The following NBAS variants were observed in gnomAD, a reference collection of about 807,000 sequenced individuals.
The protein encoded by NBAS is NAG/BC035112 fusion.
NBAS carries 219 observed loss-of-function variants against 302.5 expected under a neutral mutation model. The ratio of observed to expected loss-of-function variants is 0.72; its 90% CI spans 0.65 to 0.81. NBAS has a LOEUF of 0.81. Among genes scored for constraint, NBAS ranks in the 30% least tolerant of loss-of-function variants. NBAS has a pLI of 0.00. For missense variants in NBAS, 2,932 were observed against 2,841.6 expected (o/e 1.03, Z -0.72); for synonymous variants, 1,118 against 1,021.6 (o/e 1.09, Z -1.80).
In NBAS at chr2:15,395,233, A is replaced by G. The variant is rs114205533; in HGVS notation, c.3135-884T>C. Among the ~76,000 whole-genome samples the G allele has an allele frequency of 2.8e-3, 429 of 152,204 alleles. 2 individuals carry two copies. The highest frequency in any genetic ancestry group is 0.01 in the Middle Eastern group (3 of 294). The stretch of plus-strand genomic sequence containing the variant: ...CATGGTTACAACCAGACATGTGATG[A>G]AATAAATTACGTTTATTTCACTGTA... On this transcript the variant is annotated intron_variant, in intron 27 of 51. Coordinates refer to ENST00000281513, the MANE Select transcript of NBAS (RefSeq NM_015909.4).
At chr2:14,960,823 T>C in the NBAS span, among the ~76,000 whole-genome samples, 1 of 152,220 alleles carries the variant, frequency 6.6e-6, no homozygotes, top group Non-Finnish European at 1.5e-5. Context: ...TGAGTCACCA[T>C]TGTTTCATAG....
the NBAS span, among the ~76,000 whole-genome samples, chr2:15,135,260 C>T: frequency 6.6e-6 from 1 of 152,282 alleles, no homozygotes; most frequent in African/African-American, 2.4e-5. Context: ...TGGGTTTCAC[C>T]AAGGATGACT....
At chr2:14,952,908 G>A in the NBAS span, among the ~76,000 whole-genome samples, 1 of 152,232 alleles carries the variant, frequency 6.6e-6, no homozygotes, top group Non-Finnish European at 1.5e-5. Context: ...GTCACACGTA[G>A]GAGAAGCAAC....
At chr2:14,989,171 C>T in the NBAS span, among the ~76,000 whole-genome samples, 1 of 151,816 alleles carries the variant, frequency 6.6e-6, no homozygotes, top group African/African-American at 2.4e-5. Context: ...TCTAAGTATC[C>T]AAAAGATAAC....
At chr2:15,519,197 T>C (rs1001096063) in intron 9 of NBAS, among the ~76,000 whole-genome samples, 1 of 152,220 alleles carries the variant, frequency 6.6e-6, no homozygotes, top group Non-Finnish European at 1.5e-5. Flanking sequence ...ATAAGGAATA[T>C]GCTAAGCCAC....
At chr2:15,069,017 C>G in the NBAS span, among the ~76,000 whole-genome samples, 4 of 152,064 alleles carry the variant, frequency 2.6e-5, no homozygotes, top group Admixed American at 6.5e-5. Context: ...GATCTCTCTT[C>G]CTCTTCTTAT....
At chr2:15,436,859 G>A (rs934793958) in intron 21 of NBAS, among the ~76,000 whole-genome samples, 2 of 152,120 alleles carry the variant, frequency 1.3e-5, no homozygotes, top group Non-Finnish European at 2.9e-5. Flanking sequence ...TTCGTTAGTG[G>A]AATACCTGGC....
intron 44 of NBAS, among the ~76,000 whole-genome samples, chr2:15,255,631 T>C (rs1348219838): frequency 6.6e-6 from 1 of 152,224 alleles, no homozygotes; most frequent in Non-Finnish European, 1.5e-5. Context: ...CCTAATCCAA[T>C]GTCTAGAAGA....
the NBAS span, among the ~76,000 whole-genome samples, chr2:15,134,111 C>T: frequency 2.0e-5 from 3 of 146,822 alleles, no homozygotes; most frequent in Admixed American, 6.9e-5. Context: ...AGTTTATGTC[C>T]CTCCCCAAAT....
chr2:15,504,545 GA>G (rs1222946094), intron 10 of NBAS, among the ~76,000 whole-genome samples: 1 of 152,074 alleles, frequency 6.6e-6, no homozygotes, highest in Non-Finnish European at 1.5e-5. Flanking sequence ...CATCAGTATA[GA>G]AAAAGCTAAA....
intron 11 of NBAS, among the ~76,000 whole-genome samples, chr2:15,497,362 G>A (rs1234305696): frequency 1.3e-5 from 2 of 152,158 alleles, no homozygotes; most frequent in African/African-American, 4.8e-5. Context: ...ATACAATGGT[G>A]ATAGCCACAC....
At chr2:14,946,047 G>C in the NBAS span, among the ~76,000 whole-genome samples, 1 of 152,182 alleles carries the variant, frequency 6.6e-6, no homozygotes, top group Non-Finnish European at 1.5e-5. Context: ...ACTCCAGCCT[G>C]GGTGACAGAG....
At chr2:14,951,187 T>A in the NBAS span, among the ~76,000 whole-genome samples, 1,059 of 152,290 alleles carry the variant, frequency 7.0e-3, 13 homozygotes, top group African/African-American at 0.024. Flanking sequence ...GAAGAAAGGA[T>A]GGGAAATAGG....
intron 9 of NBAS, among the ~76,000 whole-genome samples, chr2:15,527,568 A>C (rs528715749): frequency 6.6e-5 from 10 of 152,276 alleles, no homozygotes; most frequent in African/African-American, 1.9e-4. Context: ...GCAGAAAGAC[A>C]ACGCGTGGAG....
intron 32 of NBAS, among the ~76,000 whole-genome samples, chr2:15,359,627 C>T (rs1462816002): frequency 6.6e-6 from 1 of 151,920 alleles, no homozygotes; most frequent in Non-Finnish European, 1.5e-5. Flanking sequence ...TTTCGTTGCC[C>T]TTTCAACATA....
At chr2:15,221,539 C>T (rs763902786) in intron 47 of NBAS, among the ~76,000 whole-genome samples, 11 of 151,976 alleles carry the variant, frequency 7.2e-5, no homozygotes, top group African/African-American at 1.7e-4. Context: ...TACCATGGAA[C>T]GGCAAGACTT....
intron 9 of NBAS, among the ~76,000 whole-genome samples, chr2:15,519,590 A>G (rs1436033852): frequency 6.6e-6 from 1 of 152,052 alleles, no homozygotes; most frequent in Admixed American, 6.6e-5. Flanking sequence ...AGGCACATGC[A>G]TGCCTGGCTA....
intron 43 of NBAS, among the ~76,000 whole-genome samples, chr2:15,276,133 T>G (rs1230463291): frequency 6.6e-6 from 1 of 152,172 alleles, no homozygotes; most frequent in East Asian, 1.9e-4. Context: ...TTTTCTTCTA[T>G]CAGTGCTTCA....
the NBAS span, among the ~76,000 whole-genome samples, chr2:15,012,489 G>C: frequency 6.6e-6 from 1 of 152,106 alleles, no homozygotes; most frequent in East Asian, 1.9e-4. Context: ...TATATTTAAT[G>C]AAATGACAGC....
Sources: allele counts gnomAD v4.1 joint callset (sites outside exome capture counted in the v4.1 genomes callset), GRCh38; gene constraint gnomAD v4.1.1; transcripts MANE v1.5; gene names NCBI Gene and HGNC (gene_info 2026-07-23, HGNC 2026-07-21).